SEMA3G: variants seen among roughly 807,000 people sequenced by gnomAD.
SEMA3G encodes the protein semaphorin-3G.
In SEMA3G, 70 loss-of-function variants were observed where a neutral mutation model predicts 86.2. The ratio of observed to expected loss-of-function variants is 0.81; its 90% confidence interval spans 0.67 to 0.99. The LOEUF (loss-of-function observed/expected upper bound fraction) is 0.99, where lower values mean the gene tolerates loss of function less well. SEMA3G is among the 50% of genes least tolerant of loss of function. The probability of loss-of-function intolerance (pLI) is 0.00; values close to 1 mark genes in which losing one functional copy is unlikely to be tolerated. For missense variants in SEMA3G, 1,002 were observed against 1,072.4 expected (o/e 0.93, Z 0.92); for synonymous variants, 416 against 441.4 (o/e 0.94, Z 0.72).
At position 52,441,901 on chromosome 3, in the gene SEMA3G, G is replaced by C; in HGVS notation, c.468C>G (p.Leu156=). 1.9e-6 allele frequency: 3 copies of C among 1,570,166 alleles called. No homozygotes were observed. The highest frequency in any genetic ancestry group is 2.6e-6 in the Non-Finnish European group (3 of 1,156,754). Reference sequence around the variant, plus strand: ...TTTCCACACTGCCAGGCTCCAGGTGGAGCACATGCTAGTGGGAGGGAGAGA... The same window carrying C: ...TTTCCACACTGCCAGGCTCCAGGTGCAGCACATGCTAGTGGGAGGGAGAGA... ...ITVGHRGEHV[L]HLEPGSVESG... Residue 156 remains leucine (L), a synonymous_variant, in exon 5 of 16, where the codon CTC becomes CTG. Coordinates refer to ENST00000231721, the MANE Select transcript of SEMA3G (RefSeq NM_020163.3).
chr3:52,436,556 A>G (rs1363680956), intron 15 of SEMA3G, among the ~76,000 whole-genome samples: 1 of 152,210 alleles, frequency 6.6e-6, no homozygotes, highest in African/African-American at 2.4e-5. Context: ...GCACGCACAC[A>G]CACACAGAGA....
At chr3:52,440,600 C>A in intron 9 of SEMA3G, 79 bp from the exon 10 acceptor site, 5 of 1,506,572 alleles carry the variant, frequency 3.3e-6, no homozygotes, top group Non-Finnish European at 4.5e-6. Flanking sequence ...ATGGGCAGGA[C>A]AGAGGGTGAC....
chr3:52,444,362 C>T (rs1316617335), intron 1 of SEMA3G, among the ~76,000 whole-genome samples: 1 of 152,074 alleles, frequency 6.6e-6, no homozygotes, highest in Non-Finnish European at 1.5e-5. Context: ...ACCTGCCTCC[C>T]TCCCACTCCC....
intron 15 of SEMA3G, among the ~76,000 whole-genome samples, chr3:52,436,544 G>A (rs376331247): frequency 3.3e-5 from 5 of 152,212 alleles, no homozygotes; most frequent in African/African-American, 1.2e-4. Context: ...ACACATGCAC[G>A]TGCACGCACA....
In SEMA3G at chr3:52,434,172, C is replaced by T. The variant is rs1324071802; in HGVS notation, c.*1431G>A. 3 of 151,946 alleles carry T rather than the reference C, an allele frequency of 2.0e-5. No individual in the cohort carries two copies. Among genetic ancestry groups the T allele is most frequent in the Non-Finnish European group, 4.4e-5 (3 of 67,992 alleles). 9.4% of individuals were successfully genotyped at this position (151,946 alleles called of 1,614,324 possible). A position where few individuals can be genotyped will look rare whatever the true frequency, so the allele number is the denominator to read the frequency against. ...AATCTCAAACCCAGTGCTCTTATCT[C>T]CTTCCAGCCAGTTTTGTGTGTCATG... On this transcript the variant is annotated 3_prime_UTR_variant, in exon 16 of 16. Transcript: ENST00000231721. The surrounding 1 kb of genome is among the most constrained non-coding windows in gnomAD (Gnocchi z 5.2).
chr3:52,439,040 A>AC (rs1396711626), intron 12 of SEMA3G, 79 bp from the exon 13 acceptor site: 1 of 1,505,578 alleles, frequency 6.6e-7, no homozygotes, highest in Non-Finnish European at 9.1e-7. Flanking sequence ...GTCTCCTCCA[A>AC]CCCTGGGGTG....
chr3:52,443,537 G>A (rs527988555), intron 1 of SEMA3G, among the ~76,000 whole-genome samples: 9 of 152,254 alleles, frequency 5.9e-5, no homozygotes, highest in East Asian at 3.9e-4. Context: ...TAGGTCCTCC[G>A]GGCTTGGCTA....
chr3:52,436,099 G>T (rs771698538), intron 15 of SEMA3G, 26 bp from the exon 16 acceptor site: 1 of 1,586,204 alleles, frequency 6.3e-7, no homozygotes, highest in South Asian at 1.1e-5. Context: ...GAGGGCGTGA[G>T]TAGGGTGCAA....
rs1343672700 is a variant in SEMA3G, at chr3:52,439,961, A to G, written c.1281T>C (p.Leu427=). Residue 427 remains leucine, a synonymous_variant, in exon 11 of 16, where the codon CTT becomes CTC. Coordinates refer to ENST00000231721, the MANE Select transcript of SEMA3G (RefSeq NM_020163.3). ...PVRPRHGRPV[L]VKTHLAQQLH... ...GCTGCTGGGCCAGGTGGGTCTTGAC[A>G]AGGACAGGGCGGCCATGTCGAGGCC... The G allele has an allele frequency of 1.2e-6, 2 of 1,613,814 alleles. No homozygotes were observed. Among genetic ancestry groups the G allele is most frequent in the Non-Finnish European group, 1.7e-6 (2 of 1,179,992 alleles).
rs778675667 is a variant in SEMA3G at position 52,438,105 on chromosome 3, G to C, written c.1604C>G (p.Ala535Gly). 5 of 1,613,274 alleles carry C rather than the reference G, an allele frequency of 3.1e-6. No homozygotes were observed. The highest frequency in any genetic ancestry group is 4.2e-6 in the Non-Finnish European group (5 of 1,180,030). Residue 535 changes from alanine to glycine, a missense_variant, in exon 14 of 16, where the codon GCC becomes GGC. Physicochemically the swap from Ala to Gly is moderately conservative, Grantham distance 60. Transcript: ENST00000231721. Reference sequence around the variant, plus strand: ...ATCCCAGGCACAGTATGGGTCCCGGGCCAGGCAGCACTCTGCACAGGCAGT... The same window carrying C: ...ATCCCAGGCACAGTATGGGTCCCGGCCCAGGCAGCACTCTGCACAGGCAGT... ...YGTACAECCL[A>G]RDPYCAWDGA...
chr3:52,444,616 CGGCACATGCACCCAAACAG>C (rs1706226155), intron 1 of SEMA3G, among the ~76,000 whole-genome samples: 3 of 141,760 alleles, frequency 2.1e-5, no homozygotes, highest in African/African-American at 8.0e-5. Context: ...CACACAAACA[CGGCACATGCACCCAAACAG>C]GGCACACGCA....
Position 52,440,994 on chromosome 3 carries a change from C to T in SEMA3G, c.868G>A (p.Ala290Thr), listed in dbSNP as rs1440050663. Reference protein sequence around the residue: ...LVNKWSTFLKARLVCSVPGPG... With the variant: ...LVNKWSTFLKTRLVCSVPGPG... The stretch of plus-strand genomic sequence containing the variant: ...CCGGGCACCGAGCAGACCAGCCTGG[C>T]CTTGAGGAAAGTGCTCCATTTGTTC... Residue 290 changes from alanine to threonine, a missense_variant, in exon 8 of 16, where the codon GCC becomes ACC. Physicochemically the swap from Ala to Thr is moderately conservative, Grantham distance 58 (BLOSUM62 0). Coordinates refer to ENST00000231721, the MANE Select transcript of SEMA3G (RefSeq NM_020163.3). 1.2e-6 allele frequency: 2 copies of T among 1,605,902 alleles called. No homozygotes were observed. Among genetic ancestry groups the T allele is most frequent in the South Asian group, 1.1e-5 (1 of 90,962 alleles).
chr3:52,433,039 C>T lies in SEMA3G; in HGVS notation c.*2564G>A, dbSNP rs1043652248. 11 of 151,692 alleles carry T rather than the reference C, an allele frequency of 7.3e-5. No individual in the cohort carries two copies. Among genetic ancestry groups the T allele is most frequent in the African/African-American group, 2.7e-4 (11 of 41,238 alleles). The allele number at this position is 151,692 out of a possible 1,614,324, so 9.4% of individuals were successfully genotyped here. ...CTCCTGAAGTCCCAAGAAGGTCAGT[C>T]TTACAAGCCCACAGGCCAGGATGTT... On this transcript the variant is annotated 3_prime_UTR_variant, in exon 16 of 16. Coordinates refer to ENST00000231721, the MANE Select transcript of SEMA3G (RefSeq NM_020163.3).
rs769801887 is a variant in SEMA3G at position 52,437,561 on chromosome 3, A to C, written c.1844T>G (p.Leu615Arg). The stretch of plus-strand genomic sequence containing the variant: ...CCCCTCATCCCCTGGCCTCTGCAAG[A>C]GCCAGCGCACAGCAGCCTGGGGAGA... ...PKSPQAAVRW[L>R]LQRPGDEGPD... Residue 615 changes from leucine (L) to arginine (R), a missense_variant, in exon 15 of 16, where the codon CTC (leucine) becomes CGC (arginine). Leu to Arg is a moderately radical substitution (Grantham distance 102, BLOSUM62 -2). Coordinates refer to ENST00000231721, the MANE Select transcript of SEMA3G (RefSeq NM_020163.3). The C allele has an allele frequency of 6.2e-7, 1 of 1,613,110 alleles. No homozygotes were observed. The highest frequency in any genetic ancestry group is 8.5e-7 in the Non-Finnish European group (1 of 1,179,950).
Position 52,435,582 on chromosome 3 carries a change from C to G in SEMA3G, c.*21G>C. 6.3e-7 allele frequency: 1 copy of G among 1,592,834 alleles called. No individual in the cohort carries two copies. On this transcript the variant is annotated 3_prime_UTR_variant, in exon 16 of 16. Coordinates refer to ENST00000231721, the MANE Select transcript of SEMA3G (RefSeq NM_020163.3). Reference sequence around the variant, plus strand: ...TAGTGGGCCCCCCAGCCCATCCTGACCACCCCTCCTCTGCCCCCTTCTACG... The same window carrying G: ...TAGTGGGCCCCCCAGCCCATCCTGAGCACCCCTCCTCTGCCCCCTTCTACG...
In SEMA3G at chr3:52,442,334, G is replaced by C; in HGVS notation, c.340-30C>G. 6.2e-7 allele frequency: 1 copy of C among 1,607,946 alleles called. No individual in the cohort carries two copies. On this transcript the variant is annotated intron_variant, in intron 3 of 15. Coordinates refer to ENST00000231721, the MANE Select transcript of SEMA3G (RefSeq NM_020163.3). This position sits in a 1 kb window ranked among gnomAD's most constrained non-coding sequence, Gnocchi z 6.1. The stretch of plus-strand genomic sequence containing the variant: ...GGGGAGAAGGAGGGGGTGGTTGAGG[G>C]GTGAGAGGGGGTGCCCACCATCTCC...
rs145830500 is a variant in SEMA3G at position 52,444,673 on chromosome 3, C to G, written c.115+240G>C. ...CAAACAGGGCACACGCACACAAACA[C>G]GGCACACGCAAACTCGGCACACGCA... On this transcript the variant is annotated intron_variant, in intron 1 of 15. Coordinates refer to ENST00000231721, the MANE Select transcript of SEMA3G (RefSeq NM_020163.3). 6.1e-4 allele frequency among the ~76,000 whole-genome samples: 73 copies of G among 120,138 alleles called. 1 individual carries two copies. Among genetic ancestry groups the G allele is most frequent in the Middle Eastern group, 5.2e-3 (1 of 194 alleles). 78.8% of individuals were successfully genotyped at this position (120,138 alleles called of 152,430 possible).
In SEMA3G at chr3:52,441,869, C is replaced by T. The variant is rs550066410; in HGVS notation, c.500G>A (p.Arg167Gln). 2.1e-5 allele frequency: 33 copies of T among 1,590,410 alleles called. No individual in the cohort carries two copies. Among genetic ancestry groups the T allele is most frequent in the Admixed American group, 1.8e-4 (10 of 56,002 alleles). ...HLEPGSVESG[R>Q]GRCPHEPSRP... The stretch of plus-strand genomic sequence containing the variant: ...GCTGGGCTCGTGAGGGCACCGCCCC[C>T]GGCCACTTTCCACACTGCCAGGCTC... The change falls in exon 5 of 16, where the codon CGG (arginine) becomes CAG (glutamine). Residue 167 changes from arginine to glutamine, a missense_variant. Transcript: ENST00000231721.
chr3:52,436,017 A>G lies in SEMA3G; in HGVS notation c.1935T>C (p.Leu645=), dbSNP rs145646348. ...HTERGLLFRR[L]SRFDAGTYTC... ...TGTAGGTGCCCGCATCGAAACGGCT[A>G]AGCCTGCGGAACAGCAGCCCCCGCT... Residue 645 remains leucine, a synonymous_variant, in exon 16 of 16, where the codon CTT becomes CTC. Transcript: ENST00000231721. The G allele has an allele frequency of 8.7e-6, 14 of 1,613,504 alleles. No homozygotes were observed. In the African/African-American group the frequency reaches 1.9e-4, roughly 21 times the overall value.
Sources: gnomAD v4.1 joint callset for allele counts (sites outside exome capture counted in the v4.1 genomes callset) on GRCh38, gnomAD v4.1.1 for gene constraint, Gnocchi (gnomAD v3.1) non-coding constraint, MANE v1.5 for transcripts, NCBI Gene and HGNC (gene_info 2026-07-23, HGNC 2026-07-21) for gene names.